The following MARCHF8 variants were observed in gnomAD, a reference collection of about 807,000 sequenced individuals.
The protein encoded by MARCHF8 is E3 ubiquitin-protein ligase MARCHF8.
In MARCHF8, 40 loss-of-function variants were observed where a neutral mutation model predicts 51.6. The observed-to-expected ratio is 0.77, with a 90% CI of 0.60 to 1.01. The LOEUF is 1.01. Among genes scored for constraint, MARCHF8 ranks in the 50% least tolerant of loss-of-function variants. MARCHF8 has a pLI of 0.00. For missense variants in MARCHF8, 685 were observed against 708.6 expected (o/e 0.97, Z 0.38); for synonymous variants, 263 against 280.3 (o/e 0.94, Z 0.62).
chr10:45,467,243 A>T (rs759331692), intron 3 of MARCHF8, among the ~76,000 whole-genome samples: 2 of 152,242 alleles, frequency 1.3e-5, no homozygotes, highest in African/African-American at 2.4e-5. Context: ...ACAGAGAAAG[A>T]GTCTCTCTTC....
chr10:45,580,162 T>C (rs2044538967), intron 1 of MARCHF8, among the ~76,000 whole-genome samples: 2 of 151,814 alleles, frequency 1.3e-5, no homozygotes, highest in Admixed American at 6.6e-5. Flanking sequence ...CATTAAACAA[T>C]AGCGAAATCA....
rs142329756 is a variant in MARCHF8 at position 45,533,188 on chromosome 10, G to T, written c.24C>A (p.Ile8=). 2 of 1,611,834 alleles carry T rather than the reference G, an allele frequency of 1.2e-6. No homozygotes were observed. Among genetic ancestry groups the T allele is most frequent in the Non-Finnish European group, 1.7e-6 (2 of 1,178,998 alleles). MSMPLHQ[I]SAIPSQDAIS... is the part of the protein sequence containing the mutation. ...TGGCATCCTGGGATGGAATGGCAGA[G>T]ATCTGATGCAGTGGCATGCTCATCC... The change falls in exon 2 of 8, where the codon ATC becomes ATA. Residue 8 remains isoleucine, a synonymous_variant. Transcript: ENST00000453424.
intron 1 of MARCHF8, among the ~76,000 whole-genome samples, chr10:45,568,715 CAAAAA>C (rs71023130): frequency 1.3e-5 from 1 of 75,584 alleles, no homozygotes; most frequent in Non-Finnish European, 2.5e-5. Flanking sequence ...GAGACTGTTT[CAAAAA>C]AAAAAAAAAA....
chr10:45,503,780 T>A (rs2043327914), intron 2 of MARCHF8, among the ~76,000 whole-genome samples: 1 of 150,612 alleles, frequency 6.6e-6, no homozygotes, highest in South Asian at 2.1e-4. Flanking sequence ...CAATGGAATA[T>A]TATTCAGTCA....
intron 3 of MARCHF8, among the ~76,000 whole-genome samples, chr10:45,486,609 T>C (rs1391846329): frequency 2.0e-5 from 3 of 152,094 alleles, no homozygotes; most frequent in African/African-American, 7.2e-5. Context: ...TGGTTCTCCA[T>C]TGTTCAGCAA....
chr10:45,495,599 C>T (rs534543929), intron 2 of MARCHF8, among the ~76,000 whole-genome samples: 12 of 152,192 alleles, frequency 7.9e-5, no homozygotes, highest in African/African-American at 2.2e-4. Context: ...CCCTCTTCAA[C>T]GGTTTACTCC....
intron 1 of MARCHF8, among the ~76,000 whole-genome samples, chr10:45,571,828 T>A (rs1196148382): frequency 1.3e-5 from 2 of 152,144 alleles, no homozygotes; most frequent in Non-Finnish European, 2.9e-5. Context: ...TAATTTCAGT[T>A]CCTTTCCTTT....
chr10:45,530,011 C>T (rs1390846849), intron 2 of MARCHF8, among the ~76,000 whole-genome samples: 1 of 152,168 alleles, frequency 6.6e-6, no homozygotes, highest in Non-Finnish European at 1.5e-5. Context: ...GGACTACTCA[C>T]AATAGCAAAG....
chr10:45,458,655 T>A, intron 7 of MARCHF8, 112 bp from the exon 8 acceptor site: 1 of 1,175,802 alleles, frequency 8.5e-7, no homozygotes, highest in Non-Finnish European at 1.2e-6. Flanking sequence ...TTGTTGTTTT[T>A]TAAGAGATGG....
At chr10:45,466,306 C>T (rs569905563) in intron 3 of MARCHF8, among the ~76,000 whole-genome samples, 23 of 152,320 alleles carry the variant, frequency 1.5e-4, no homozygotes, top group African/African-American at 5.5e-4. Context: ...ACTTATTGCT[C>T]TCTTCTTTTA....
Position 45,531,249 on chromosome 10 carries a change from A to G in MARCHF8, c.102+1861T>C, listed in dbSNP as rs577210030. Among the ~76,000 whole-genome samples the G allele has an allele frequency of 7.9e-5, 12 of 152,278 alleles. No individual in the cohort carries two copies. The South Asian group carries it at 2.5e-3, about 32-fold the overall frequency. On this transcript the variant is annotated intron_variant, in intron 2 of 7. Transcript: ENST00000453424. ...CAAATTCTATGAAAATTGTAAACCCACTGATCCACAAGCACAACTTCAGAA... is the reference window on the plus strand; with the variant it reads ...CAAATTCTATGAAAATTGTAAACCCGCTGATCCACAAGCACAACTTCAGAA...
At chr10:45,580,884 G>A (rs2044548066) in intron 1 of MARCHF8, among the ~76,000 whole-genome samples, 1 of 152,144 alleles carries the variant, frequency 6.6e-6, no homozygotes, top group Non-Finnish European at 1.5e-5. Flanking sequence ...ACACCCATCT[G>A]TGTGCTGCCA....
At chr10:45,541,012 G>T (rs994884241) in intron 1 of MARCHF8, among the ~76,000 whole-genome samples, 1 of 152,180 alleles carries the variant, frequency 6.6e-6, no homozygotes, top group African/African-American at 2.4e-5. Context: ...TCAGTGTGGC[G>T]ATTCCCCAGG....
intron 3 of MARCHF8, among the ~76,000 whole-genome samples, chr10:45,487,508 G>A (rs141994850): frequency 2.0e-3 from 311 of 152,248 alleles, no homozygotes; most frequent in African/African-American, 7.2e-3. Flanking sequence ...ACTTTTCTCC[G>A]TGCTTAGACA....
At chr10:45,458,577 T>C in intron 7 of MARCHF8, 34 bp from the exon 8 acceptor site, 2 of 1,534,674 alleles carry the variant, frequency 1.3e-6, no homozygotes, top group Admixed American at 2.2e-5. Context: ...TTAGATTTTA[T>C]TTAAGATATG....
chr10:45,484,456 C>T (rs1037673066), intron 3 of MARCHF8, among the ~76,000 whole-genome samples: 2 of 152,284 alleles, frequency 1.3e-5, no homozygotes, highest in East Asian at 1.9e-4. Flanking sequence ...TTGTATAAAG[C>T]ATGTCACCTG....
intron 1 of MARCHF8, among the ~76,000 whole-genome samples, chr10:45,557,637 G>A (rs1024058191): frequency 3.3e-5 from 5 of 152,192 alleles, no homozygotes; most frequent in Non-Finnish European, 7.3e-5. Context: ...ACGACCTCCT[G>A]TGCAGAGGAA....
chr10:45,539,851 A>C (rs2044026089), upstream of MARCHF8, among the ~76,000 whole-genome samples: 1 of 152,250 alleles, frequency 6.6e-6, no homozygotes, highest in Non-Finnish European at 1.5e-5. Flanking sequence ...AACTTCAGCA[A>C]AGTCTCAGGA....
chr10:45,586,201 T>C (rs2044616946), intron 1 of MARCHF8, among the ~76,000 whole-genome samples: 1 of 152,146 alleles, frequency 6.6e-6, no homozygotes, highest in South Asian at 2.1e-4. Flanking sequence ...AAAGTTCTCT[T>C]TTGCTCCTCT....
Sources: gnomAD v4.1 joint callset for allele counts (sites outside exome capture counted in the v4.1 genomes callset) on GRCh38, gnomAD v4.1.1 for gene constraint, MANE v1.5 for transcripts, NCBI Gene and HGNC (gene_info 2026-07-23, HGNC 2026-07-21) for gene names.